The following TCF20 variants were observed in gnomAD, a reference collection of about 807,000 sequenced individuals.
TCF20 encodes SPRE-binding protein.
A neutral mutation model predicts 148.6 loss-of-function variants in TCF20; 3 were observed. That is an observed-to-expected ratio of 0.02 (90% CI 0.01 to 0.05). TCF20 has a LOEUF of 0.05. TCF20 is among the 10% of genes least tolerant of loss of function. The pLI is 1.00. For synonymous variants in TCF20, 1,049 were observed against 909.5 expected (o/e 1.15, Z -2.76); for missense variants, 2,350 against 2,429.3 (o/e 0.97, Z 0.69).
At position 42,210,973 on chromosome 22, in the gene TCF20, C is replaced by G; in HGVS notation, c.4333G>C (p.Val1445Leu). ...EEWRGSVDDK[V>L]KTETHAETVT... is the part of the protein sequence containing the mutation. ...GTTTCTGCATGTGTCTCTGTCTTCACTTTGTCATCCACGCTGCCACGCCAC... is the reference window on the plus strand; with the variant it reads ...GTTTCTGCATGTGTCTCTGTCTTCAGTTTGTCATCCACGCTGCCACGCCAC... The change falls in exon 2 of 6, where the codon GTG (valine) becomes CTG (leucine). Residue 1445 changes from valine to leucine, a missense_variant. This residue lies in a region of TCF20 where 231 missense variants were observed against 213.7 expected (regional missense o/e 1.08). Transcript: ENST00000677622. This position sits in a 1 kb window ranked among gnomAD's most constrained non-coding sequence, Gnocchi z 4.7. The G allele has an allele frequency of 1.9e-6, 3 of 1,614,148 alleles. No homozygotes were observed. Among genetic ancestry groups the G allele is most frequent in the Non-Finnish European group, 1.7e-6 (2 of 1,180,016 alleles).
chr22:42,328,170 G>T (rs1927907423), intron 1 of TCF20, among the ~76,000 whole-genome samples: 1 of 152,118 alleles, frequency 6.6e-6, no homozygotes, highest in Non-Finnish European at 1.5e-5. Context: ...CAGCCATGCA[G>T]GGGGCGTGAG....
intron 1 of TCF20, among the ~76,000 whole-genome samples, chr22:42,230,179 A>G (rs186492835): frequency 4.7e-4 from 72 of 152,358 alleles, no homozygotes; most frequent in Admixed American, 2.1e-3. Flanking sequence ...CAACAGCAAT[A>G]AAAATAGTCA....
chr22:42,342,239 G>C (rs148943443), intron 1 of TCF20, among the ~76,000 whole-genome samples: 148 of 152,284 alleles, frequency 9.7e-4, no homozygotes, highest in African/African-American at 3.5e-3. Flanking sequence ...AGTCATGGAT[G>C]GGGAGGAGGG....
intron 3 of TCF20, among the ~76,000 whole-genome samples, chr22:42,177,503 G>T (rs912628067): frequency 6.6e-6 from 1 of 152,158 alleles, no homozygotes; most frequent in South Asian, 2.1e-4. Flanking sequence ...CCACTGAAGG[G>T]ACTAAAAGTC....
At chr22:42,252,672 A>C (rs1267069830) in intron 1 of TCF20, among the ~76,000 whole-genome samples, 2 of 152,120 alleles carry the variant, frequency 1.3e-5, no homozygotes, top group African/African-American at 4.8e-5. Context: ...GATGGTCTTA[A>C]TTTCCTGACC....
intron 2 of TCF20, among the ~76,000 whole-genome samples, chr22:42,191,186 T>C (rs916171661): frequency 3.3e-5 from 5 of 152,212 alleles, no homozygotes; most frequent in African/African-American, 9.7e-5. Context: ...TAGTTTGTTA[T>C]AATGTTAATA....
Position 42,210,233 on chromosome 22 carries a change from T to G in TCF20, c.5073A>C (p.Gly1691=). ...ALPASSFMLQ[G]PVVTESSVMG... Reference sequence around the variant, plus strand: ...TAACCGAAGACTCTGTCACAACAGGTCCCTGCAGCATAAAGGACGAGGCCG... The same window carrying G: ...TAACCGAAGACTCTGTCACAACAGGGCCCTGCAGCATAAAGGACGAGGCCG... Residue 1691 remains glycine (G), a synonymous_variant, in exon 2 of 6, where the codon GGA becomes GGC. Transcript: ENST00000677622. The surrounding 1 kb of genome is among the most constrained non-coding windows in gnomAD (Gnocchi z 4.7). 1 of 1,614,128 alleles carries G rather than the reference T, an allele frequency of 6.2e-7. No homozygotes were observed. The highest frequency in any genetic ancestry group is 8.5e-7 in the Non-Finnish European group (1 of 1,180,028).
chr22:42,239,175 T>C (rs935901410), intron 1 of TCF20, among the ~76,000 whole-genome samples: 10 of 143,202 alleles, frequency 7.0e-5, no homozygotes, highest in African/African-American at 2.6e-4. Flanking sequence ...TCATGACAGA[T>C]AACAATTTTA....
intron 2 of TCF20, among the ~76,000 whole-genome samples, chr22:42,200,327 C>A (rs750088020): frequency 6.6e-6 from 1 of 152,092 alleles, no homozygotes; most frequent in Non-Finnish European, 1.5e-5. Context: ...TTTCCCAAAC[C>A]TGCTGCATCT....
At chr22:42,283,296 G>C (rs1030566812) in intron 1 of TCF20, among the ~76,000 whole-genome samples, 11 of 152,200 alleles carry the variant, frequency 7.2e-5, no homozygotes, top group Non-Finnish European at 1.0e-4. Context: ...AATAGTGGAG[G>C]GGGGGAGAGG....
At chr22:42,269,572 A>G (rs1926479276) in intron 1 of TCF20, among the ~76,000 whole-genome samples, 1 of 151,962 alleles carries the variant, frequency 6.6e-6, no homozygotes, top group African/African-American at 2.4e-5. Flanking sequence ...CCTTCAAACC[A>G]CCACTTTCCC....
upstream of TCF20, chr22:42,275,241 C>CCAG (rs1373818963): frequency 6.6e-6 from 1 of 152,232 alleles, no homozygotes; most frequent in Non-Finnish European, 1.5e-5. Flanking sequence ...TATATTAAGC[C>CCAG]CTGGACACTG....
intron 1 of TCF20, among the ~76,000 whole-genome samples, chr22:42,303,825 G>A (rs538897991): frequency 6.6e-6 from 1 of 152,076 alleles, no homozygotes; most frequent in Admixed American, 6.6e-5. Flanking sequence ...AGGAGGGGCA[G>A]GGAGCTAGGG....
chr22:42,269,526 C>G (rs1039778718), intron 1 of TCF20, among the ~76,000 whole-genome samples: 2 of 152,216 alleles, frequency 1.3e-5, no homozygotes, highest in African/African-American at 4.8e-5. Context: ...CACCTCCCGC[C>G]GTAGCCTGAG....
intron 5 of TCF20, among the ~76,000 whole-genome samples, chr22:42,163,651 C>A (rs1263545822): frequency 6.6e-6 from 1 of 152,210 alleles, no homozygotes; most frequent in African/African-American, 2.4e-5. Flanking sequence ...GCTTTCCCAA[C>A]TGGGCCCTAG....
chr22:42,191,540 C>T (rs1169729527), intron 2 of TCF20, among the ~76,000 whole-genome samples: 3 of 152,160 alleles, frequency 2.0e-5, no homozygotes, highest in South Asian at 2.1e-4. Context: ...CCACCCTCCT[C>T]GGCCTCCCAA....
At chr22:42,250,028 G>A (rs1473921702) in intron 1 of TCF20, among the ~76,000 whole-genome samples, 3 of 152,150 alleles carry the variant, frequency 2.0e-5, no homozygotes, top group Non-Finnish European at 4.4e-5. Context: ...GGAGGCTGAG[G>A]TAGGAGGATC....
intron 1 of TCF20, among the ~76,000 whole-genome samples, chr22:42,250,424 C>T (rs1925265836): frequency 8.6e-6 from 1 of 115,654 alleles, no homozygotes; most frequent in Admixed American, 1.2e-4. Context: ...TCAGCCTCAG[C>T]AACAACAGTG....
intron 1 of TCF20, among the ~76,000 whole-genome samples, chr22:42,229,525 G>C (rs1040885316): frequency 6.6e-6 from 1 of 152,146 alleles, no homozygotes; most frequent in African/African-American, 2.4e-5. Flanking sequence ...GCCTCAAACT[G>C]CAAGAGAGTA....
Sources: gnomAD v4.1 joint callset for allele counts (sites outside exome capture counted in the v4.1 genomes callset) on GRCh38, gnomAD v4.1.1 for gene constraint, gnomAD v4.1.1 regional missense constraint, Gnocchi (gnomAD v3.1) non-coding constraint, MANE v1.5 for transcripts, NCBI Gene and HGNC (gene_info 2026-07-23, HGNC 2026-07-21) for gene names.